The following ADGRB3 variants were observed in gnomAD, a reference collection of about 807,000 sequenced individuals.
ADGRB3 encodes adhesion G protein-coupled receptor B3.
Under a neutral mutation model 193.4 loss-of-function variants are expected in ADGRB3, and 37 were observed. The ratio of observed to expected loss-of-function variants is 0.19; its 90% CI spans 0.15 to 0.25. The LOEUF (loss-of-function observed/expected upper bound fraction) is 0.25, where lower values mean the gene tolerates loss of function less well. Among genes scored for constraint, ADGRB3 ranks in the 10% least tolerant of loss-of-function variants. The pLI, the probability that ADGRB3 is intolerant of heterozygous loss-of-function variation, is 1.00. For synonymous variants in ADGRB3, 690 were observed against 644.2 expected, an observed-to-expected ratio of 1.07 and a Z score of -1.08; for missense variants, 1,637 against 1,852.9, an observed-to-expected ratio of 0.88 and a Z score of 2.14.
chr6:69,221,014 A>G (rs1268149993), intron 17 of ADGRB3, among the ~76,000 whole-genome samples: 1 of 151,922 alleles, frequency 6.6e-6, no homozygotes, highest in Non-Finnish European at 1.5e-5. Context: ...ATTTGTCTCC[A>G]CACCACACTT....
intron 29 of ADGRB3, among the ~76,000 whole-genome samples, chr6:69,369,348 T>C (rs531189919): frequency 6.6e-6 from 1 of 152,242 alleles, no homozygotes; most frequent in South Asian, 2.1e-4. Context: ...CTGAACAGAA[T>C]TGAATGTTCT....
chr6:69,060,220 T>TTCTCTCTCTCTCTCTCTCTC (rs556453350), intron 15 of ADGRB3, among the ~76,000 whole-genome samples: 17 of 129,618 alleles, frequency 1.3e-4, no homozygotes, highest in African/African-American at 3.7e-4. Context: ...CTCTCTCTCT[T>TTCTCTCTCTCTCTCTCTCTC]TCTCTCTCTC....
chr6:68,664,769 T>C (rs1768758466), intron 3 of ADGRB3, among the ~76,000 whole-genome samples: 1 of 151,814 alleles, frequency 6.6e-6, no homozygotes, highest in Non-Finnish European at 1.5e-5. Context: ...GAACCCAGGC[T>C]GTCTCCAGAG....
At chr6:69,183,251 A>G (rs541227329) in intron 17 of ADGRB3, among the ~76,000 whole-genome samples, 2 of 152,190 alleles carry the variant, frequency 1.3e-5, no homozygotes, top group South Asian at 2.1e-4. Context: ...CTTCCTTTCA[A>G]ATTGGAAGCC....
chr6:69,295,083 C>T (rs183447529), intron 20 of ADGRB3, among the ~76,000 whole-genome samples: 1 of 152,038 alleles, frequency 6.6e-6, no homozygotes, highest in Non-Finnish European at 1.5e-5. Context: ...CAACATTTGG[C>T]AACAGAGGGA....
At chr6:69,141,063 A>T (rs1227661552) in intron 17 of ADGRB3, among the ~76,000 whole-genome samples, 1 of 151,406 alleles carries the variant, frequency 6.6e-6, no homozygotes, top group East Asian at 1.9e-4. Context: ...AAGGAGAAAA[A>T]AAATGAAGTG....
chr6:68,847,659 G>T (rs540557475), intron 3 of ADGRB3, among the ~76,000 whole-genome samples: 5 of 152,252 alleles, frequency 3.3e-5, no homozygotes, highest in African/African-American at 1.2e-4. Flanking sequence ...CAGCCATGTG[G>T]AACTGTAAGT....
chr6:68,662,803 T>C (rs1768698233), intron 3 of ADGRB3, among the ~76,000 whole-genome samples: 1 of 151,444 alleles, frequency 6.6e-6, no homozygotes, highest in Non-Finnish European at 1.5e-5. Flanking sequence ...TTAGTGCCTT[T>C]CTTTATTGAC....
At chr6:69,364,985 T>C (rs188698192) in intron 29 of ADGRB3, among the ~76,000 whole-genome samples, 54 of 152,220 alleles carry the variant, frequency 3.5e-4, no homozygotes, top group African/African-American at 1.2e-3. Flanking sequence ...AAAATTATAG[T>C]TGTAACATTG....
intron 3 of ADGRB3, among the ~76,000 whole-genome samples, chr6:68,666,158 C>T (rs1768795023): frequency 6.6e-6 from 1 of 151,752 alleles, no homozygotes; most frequent in Non-Finnish European, 1.5e-5. Flanking sequence ...CCTGAGTCTA[C>T]CTGAAGAAAC....
intron 20 of ADGRB3, among the ~76,000 whole-genome samples, chr6:69,280,161 A>G (rs1366545621): frequency 6.6e-6 from 1 of 152,194 alleles, no homozygotes; most frequent in Non-Finnish European, 1.5e-5. Context: ...ATTCTGCTGT[A>G]TGCAGGAGAA....
At chr6:69,202,935 G>T (rs996779805) in intron 17 of ADGRB3, among the ~76,000 whole-genome samples, 3 of 152,102 alleles carry the variant, frequency 2.0e-5, no homozygotes, top group African/African-American at 7.2e-5. Flanking sequence ...GGAGTTACAT[G>T]ACCTTTAACA....
intron 3 of ADGRB3, among the ~76,000 whole-genome samples, chr6:68,715,527 A>T (rs979585257): frequency 6.6e-6 from 1 of 151,780 alleles, no homozygotes; most frequent in Non-Finnish European, 1.5e-5. Flanking sequence ...ATGTACCCAT[A>T]CTAGAGCCAA....
At chr6:69,078,891 A>G (rs1772309251) in intron 17 of ADGRB3, among the ~76,000 whole-genome samples, 1 of 152,112 alleles carries the variant, frequency 6.6e-6, no homozygotes, top group Non-Finnish European at 1.5e-5. Flanking sequence ...ATACCTGCAT[A>G]TAAGATACAT....
Position 68,932,683 on chromosome 6 carries a change from A to C in ADGRB3, c.868+2014A>C, listed in dbSNP as rs185747210. ...TAAAATTTTACAAAAATTAAGCTTTACTTATAAAAGTGTTCCCTGTATTTG... is the reference window on the plus strand; with the variant it reads ...TAAAATTTTACAAAAATTAAGCTTTCCTTATAAAAGTGTTCCCTGTATTTG... On this transcript the variant is annotated intron_variant, in intron 4 of 31. Coordinates refer to ENST00000370598, the MANE Select transcript of ADGRB3 (RefSeq NM_001704.3). 4.5e-3 allele frequency among the ~76,000 whole-genome samples: 678 copies of C among 152,032 alleles called. 2 individuals are homozygous for C. Among genetic ancestry groups the C allele is most frequent in the African/African-American group, 0.015 (633 of 41,546 alleles).
chr6:69,139,325 G>A (rs1774246051), intron 17 of ADGRB3, among the ~76,000 whole-genome samples: 1 of 152,146 alleles, frequency 6.6e-6, no homozygotes, highest in African/African-American at 2.4e-5. Flanking sequence ...GTGACTCACT[G>A]ATATTCAGAC....
At chr6:68,987,438 T>G (rs1332981782) in intron 10 of ADGRB3, among the ~76,000 whole-genome samples, 1 of 152,164 alleles carries the variant, frequency 6.6e-6, no homozygotes, top group East Asian at 1.9e-4. Context: ...GTTTCATGTC[T>G]TTTGTTTCTT....
At chr6:69,014,321 C>G (rs1350372338) in intron 12 of ADGRB3, among the ~76,000 whole-genome samples, 1 of 151,548 alleles carries the variant, frequency 6.6e-6, no homozygotes, top group Non-Finnish European at 1.5e-5. Context: ...GTTTAAGCAA[C>G]TTAAAACCTT....
chr6:69,015,042 T>C, intron 12 of ADGRB3, among the ~76,000 whole-genome samples: 1 of 151,920 alleles, frequency 6.6e-6, no homozygotes. Flanking sequence ...ATTTTAATAC[T>C]TTAAATCTAT....
Sources: allele counts gnomAD v4.1 joint callset (sites outside exome capture counted in the v4.1 genomes callset), GRCh38; gene constraint gnomAD v4.1.1; transcripts MANE v1.5; gene names NCBI Gene and HGNC (gene_info 2026-07-23, HGNC 2026-07-21).